CENPI: variants seen among roughly 807,000 people sequenced by gnomAD.
CENPI encodes the protein centromere protein I.
In CENPI, 4 loss-of-function variants were observed where a neutral mutation model predicts 60.4. The ratio of observed to expected loss-of-function variants is 0.07; its 90% CI spans 0.03 to 0.15. The LOEUF is 0.15. CENPI is among the 10% of genes least tolerant of loss of function. CENPI has a pLI of 1.00. For missense variants in CENPI, 444 were observed against 534.5 expected, an observed-to-expected ratio of 0.83 and a Z score of 1.67; for synonymous variants, 157 against 189.4, an observed-to-expected ratio of 0.83 and a Z score of 1.40.
At chrX:101,144,595 A>G (rs372591398) in intron 16 of CENPI, among the ~76,000 whole-genome samples, 4 of 106,096 alleles carry the variant, frequency 3.8e-5, no homozygotes, top group African/African-American at 1.4e-4. Context: ...GTTGCCCAGA[A>G]TGGTCTTAAA....
At chrX:101,171,926 C>T in the CENPI span, among the ~76,000 whole-genome samples, 1 of 111,767 alleles carries the variant, frequency 8.9e-6, no homozygotes, top group East Asian at 2.8e-4. Context: ...ATTTGCAAAT[C>T]ATACCTGATA....
intron 20 of CENPI, among the ~76,000 whole-genome samples, chrX:101,150,925 G>T (rs1346755561): frequency 9.2e-6 from 1 of 109,207 alleles, no homozygotes; most frequent in Non-Finnish European, 1.9e-5. Flanking sequence ...GCCTGCTTTT[G>T]TGTGTGTGTG....
the CENPI span, among the ~76,000 whole-genome samples, chrX:101,172,810 A>G: frequency 9.0e-6 from 1 of 111,305 alleles, no homozygotes; most frequent in Non-Finnish European, 1.9e-5. Flanking sequence ...TTGGAAATGG[A>G]TGAGATGAGT....
chrX:101,157,277 A>G (rs1047230214), intron 20 of CENPI, among the ~76,000 whole-genome samples: 2 of 111,594 alleles, frequency 1.8e-5, no homozygotes, highest in African/African-American at 6.5e-5. Flanking sequence ...ACTAGTTATC[A>G]CTATCCCTGT....
chrX:101,139,088 CT>C (rs1281553958), intron 15 of CENPI, among the ~76,000 whole-genome samples: 298 of 66,925 alleles, frequency 4.5e-3, no homozygotes, highest in African/African-American at 0.015. Flanking sequence ...CGCGCCCGAC[CT>C]TTTTTTTTTT....
At chrX:101,113,814 A>G (rs2089585677) in intron 6 of CENPI, among the ~76,000 whole-genome samples, 1 of 112,284 alleles carries the variant, frequency 8.9e-6, no homozygotes, top group Non-Finnish European at 1.9e-5. Flanking sequence ...GTTCTCAAAA[A>G]CTGGTATTAG....
intron 6 of CENPI, among the ~76,000 whole-genome samples, chrX:101,115,689 G>T (rs1235110869): frequency 1.8e-5 from 2 of 111,531 alleles, no homozygotes; most frequent in East Asian, 5.6e-4. Flanking sequence ...CATTTTTTTG[G>T]TGTATAATTC....
chrX:101,126,779 C>T lies in CENPI; in HGVS notation c.758C>T (p.Ser253Phe). ...TTTGCTCCTGCTCTGATTTCAGTAT[C>T]TTTGCCTGTAAGGAAGAAGGTAAGG... ...KFFAPALISV[S>F]LPVRKKIYFK... Residue 253 changes from serine to phenylalanine, a missense_variant, in exon 9 of 22, where the codon TCT (serine) becomes TTT (phenylalanine). By Grantham distance (155) the Ser-to-Phe change is radical. Transcript: ENST00000682095. The T allele has an allele frequency of 8.3e-7, 1 of 1,198,973 alleles. No homozygotes were observed. Among genetic ancestry groups the T allele is most frequent in the Non-Finnish European group, 1.1e-6 (1 of 884,270 alleles).
chrX:101,172,416 A>G, the CENPI span, among the ~76,000 whole-genome samples: 2 of 111,723 alleles, frequency 1.8e-5, no homozygotes, highest in African/African-American at 3.3e-5. Context: ...CAACTGATGA[A>G]TGAGTAAAGT....
chrX:101,124,101 G>A (rs1467847453), intron 8 of CENPI, among the ~76,000 whole-genome samples: 1 of 94,391 alleles, frequency 1.1e-5, no homozygotes. Flanking sequence ...GTGTGTGTGT[G>A]TGTGTGTGTG....
At chrX:101,166,525 A>T, downstream of CENPI, among the ~76,000 whole-genome samples, 1 of 112,904 alleles carries the variant, frequency 8.9e-6, no homozygotes, top group African/African-American at 3.2e-5. Flanking sequence ...ATCTGAAAAC[A>T]TATTTTTTGA....
chrX:101,170,616 T>C (rs1379239060), downstream of CENPI, among the ~76,000 whole-genome samples: 1 of 111,843 alleles, frequency 8.9e-6, no homozygotes, highest in Non-Finnish European at 1.9e-5. Flanking sequence ...CCCAAACTGA[T>C]ATACATTTCC....
At position 101,130,037 on chromosome X, in the gene CENPI, C is replaced by T; in HGVS notation, c.1251C>T (p.Phe417=). The change falls in exon 13 of 22, where the codon TTC becomes TTT. Residue 417 remains phenylalanine, a synonymous_variant. Transcript: ENST00000682095. ...NYEHGKEFTN[F]LDTIIRAECF... ...AACATGGAAAAGAATTTACCAACTT[C>T]CTGGATACCATCATCAGGGCAGAGT... 1 of 1,203,792 alleles carries T rather than the reference C, an allele frequency of 8.3e-7. No homozygotes were observed. The highest frequency in any genetic ancestry group is 1.1e-6 in the Non-Finnish European group (1 of 888,280).
chrX:101,143,515 T>A (rs1362166991), intron 16 of CENPI, among the ~76,000 whole-genome samples: 6 of 111,708 alleles, frequency 5.4e-5, no homozygotes, highest in Non-Finnish European at 1.1e-4. Flanking sequence ...TGAATTCAAG[T>A]GAAAAAAAAA....
intron 2 of CENPI, 35 bp downstream of exon 2, chrX:101,098,574 C>T (rs940154060): frequency 9.0e-6 from 1 of 111,463 alleles, no homozygotes; most frequent in Admixed American, 9.6e-5. Context: ...TTAGTTTTTC[C>T]TATTTGCAGC....
intron 15 of CENPI, among the ~76,000 whole-genome samples, chrX:101,137,474 A>G (rs1279234327): frequency 9.0e-6 from 1 of 111,462 alleles, no homozygotes; most frequent in East Asian, 2.8e-4. Flanking sequence ...TTGGGAGATG[A>G]TACTAGAATA....
At chrX:101,139,766 A>T (rs892934168) in intron 15 of CENPI, among the ~76,000 whole-genome samples, 25 of 109,917 alleles carry the variant, frequency 2.3e-4, no homozygotes, top group African/African-American at 7.6e-4. Context: ...AAATTTATAG[A>T]TATTACGGTT....
At chrX:101,141,026 G>A (rs1043187593) in intron 16 of CENPI, 3 of 193,196 alleles carry the variant, frequency 1.6e-5, no homozygotes, top group African/African-American at 8.9e-5. Flanking sequence ...CTAGAGAGAT[G>A]AGACTAGAAT....
At chrX:101,157,718 A>G (rs749946896) in intron 20 of CENPI, among the ~76,000 whole-genome samples, 2 of 107,981 alleles carry the variant, frequency 1.9e-5, no homozygotes, top group East Asian at 2.9e-4. Context: ...TATTCGCATG[A>G]TATTTTGATA....
Sources: allele counts gnomAD v4.1 joint callset (sites outside exome capture counted in the v4.1 genomes callset), GRCh38; gene constraint gnomAD v4.1.1; transcripts MANE v1.5; gene names NCBI Gene and HGNC (gene_info 2026-07-23, HGNC 2026-07-21).